CPQ: variants seen among roughly 807,000 people sequenced by gnomAD.
The protein encoded by CPQ is Ser-Met dipeptidase.
A neutral mutation model predicts 45.7 loss-of-function variants in CPQ; 37 were observed. That is an observed-to-expected ratio of 0.81 (90% CI 0.62 to 1.07). CPQ has a LOEUF of 1.07. Ranked by LOEUF, CPQ falls within the 50% of genes least tolerant of loss-of-function variation. The probability of loss-of-function intolerance (pLI) is 0.00; values close to 1 mark genes in which losing one functional copy is unlikely to be tolerated. For synonymous variants in CPQ, 186 were observed against 205.8 expected, an observed-to-expected ratio of 0.90 and a Z score of 0.82; for missense variants, 537 against 572.9, an observed-to-expected ratio of 0.94 and a Z score of 0.64.
At chr8:96,862,328 G>A (rs1811937137) in intron 3 of CPQ, among the ~76,000 whole-genome samples, 2 of 151,174 alleles carry the variant, frequency 1.3e-5, no homozygotes, top group Admixed American at 6.6e-5. Context: ...GTGTCTGGGA[G>A]AGAGAGAAAG....
At chr8:96,833,431 C>T (rs980040368) in intron 2 of CPQ, among the ~76,000 whole-genome samples, 29 of 152,148 alleles carry the variant, frequency 1.9e-4, no homozygotes, top group African/African-American at 6.8e-4. Context: ...CTAGTGGCTC[C>T]AATCCGGATG....
intron 4 of CPQ, among the ~76,000 whole-genome samples, chr8:96,922,437 G>C (rs971387941): frequency 1.3e-5 from 2 of 152,208 alleles, no homozygotes; most frequent in African/African-American, 4.8e-5. Flanking sequence ...GAGTTCATCA[G>C]ACAGCAAGGA....
At chr8:96,908,689 A>C (rs1230857751) in intron 4 of CPQ, among the ~76,000 whole-genome samples, 1 of 151,408 alleles carries the variant, frequency 6.6e-6, no homozygotes, top group Non-Finnish European at 1.5e-5. Context: ...TTGTCATTGA[A>C]GTTTGCCTTA....
intron 1 of CPQ, among the ~76,000 whole-genome samples, chr8:96,658,860 T>G (rs955933184): frequency 1.3e-5 from 2 of 152,364 alleles, no homozygotes; most frequent in Non-Finnish European, 1.5e-5. Flanking sequence ...GATTCTCTCC[T>G]AAAGCTTCCA....
At chr8:96,718,206 T>C (rs1390135475) in intron 1 of CPQ, among the ~76,000 whole-genome samples, 2 of 152,238 alleles carry the variant, frequency 1.3e-5, no homozygotes, top group Non-Finnish European at 2.9e-5. Flanking sequence ...ATTGTGAATC[T>C]TAACTGGGGG....
chr8:96,979,905 G>T (rs1377348351), intron 5 of CPQ, among the ~76,000 whole-genome samples: 2 of 152,080 alleles, frequency 1.3e-5, no homozygotes, highest in African/African-American at 4.8e-5. Flanking sequence ...TGGCCCATGT[G>T]CTTGCCTGAC....
intron 3 of CPQ, among the ~76,000 whole-genome samples, chr8:96,842,011 A>G (rs995249279): frequency 1.3e-5 from 2 of 152,226 alleles, no homozygotes; most frequent in African/African-American, 2.4e-5. Context: ...TACAATTTAT[A>G]AAACATTCTT....
At chr8:97,111,547 A>G (rs1410672605) in intron 7 of CPQ, among the ~76,000 whole-genome samples, 2 of 152,154 alleles carry the variant, frequency 1.3e-5, no homozygotes, top group Non-Finnish European at 1.5e-5. Context: ...ACAACGAGCC[A>G]TTTCACTTCT....
intron 2 of CPQ, among the ~76,000 whole-genome samples, chr8:96,830,326 C>G (rs1353001965): frequency 6.6e-6 from 1 of 151,962 alleles, no homozygotes; most frequent in Non-Finnish European, 1.5e-5. Flanking sequence ...TTATTGTTAA[C>G]TGTTTTGGGG....
intron 4 of CPQ, among the ~76,000 whole-genome samples, chr8:96,936,609 G>A (rs1586458454): frequency 6.6e-6 from 1 of 152,300 alleles, no homozygotes; most frequent in East Asian, 1.9e-4. Flanking sequence ...TCTCTTGCCT[G>A]TCAACAATTA....
intron 2 of CPQ, among the ~76,000 whole-genome samples, chr8:96,833,357 C>T (rs1457206363): frequency 1.3e-5 from 2 of 152,092 alleles, no homozygotes; most frequent in South Asian, 4.1e-4. Context: ...TAATGAAGTA[C>T]CACCCTCGTG....
chr8:96,996,257 T>A (rs905540590), intron 5 of CPQ, among the ~76,000 whole-genome samples: 1 of 151,936 alleles, frequency 6.6e-6, no homozygotes, highest in African/African-American at 2.4e-5. Flanking sequence ...AGAGAACATA[T>A]AGATCATGAA....
At chr8:97,050,112 T>C (rs1204955707) in intron 6 of CPQ, among the ~76,000 whole-genome samples, 1 of 152,182 alleles carries the variant, frequency 6.6e-6, no homozygotes, top group Non-Finnish European at 1.5e-5. Flanking sequence ...GCTACACCAG[T>C]CTTTGCTCAC....
chr8:97,086,950 GGT>G lies in CPQ; in HGVS notation c.1255+20741_1255+20742del, dbSNP rs554765256. Among the ~76,000 whole-genome samples, 20 of 152,230 alleles carry G rather than the reference GGT, an allele frequency of 1.3e-4. No homozygotes were observed. In the South Asian group the frequency reaches 3.1e-3, roughly 24 times the overall value. Reference sequence around the variant, plus strand: ...ACAAAAGAAAAGAAAGCCACCTCCAGGTATCCTTAGGGTCCTTTCAACTGATC... The same window carrying G: ...ACAAAAGAAAAGAAAGCCACCTCCAGATCCTTAGGGTCCTTTCAACTGATC... On this transcript the variant is annotated intron_variant, in intron 7 of 7. Coordinates refer to ENST00000220763, the MANE Select transcript of CPQ (RefSeq NM_016134.4).
At chr8:97,016,623 A>C (rs1433162505) in intron 5 of CPQ, among the ~76,000 whole-genome samples, 1 of 152,198 alleles carries the variant, frequency 6.6e-6, no homozygotes. Context: ...AGAGTTATGC[A>C]TGCAGTTCTA....
At chr8:96,677,609 A>G (rs1809092901) in intron 1 of CPQ, among the ~76,000 whole-genome samples, 1 of 152,074 alleles carries the variant, frequency 6.6e-6, no homozygotes, top group Middle Eastern at 3.4e-3. Context: ...ATTTTCTCCC[A>G]TTCTGTGGGT....
chr8:97,103,099 A>T (rs1049123768), intron 7 of CPQ, among the ~76,000 whole-genome samples: 4 of 152,018 alleles, frequency 2.6e-5, no homozygotes, highest in Admixed American at 6.6e-5. Context: ...TCTTGTAGGG[A>T]TCATTATGGT....
At chr8:97,078,628 C>T (rs528247950) in intron 7 of CPQ, among the ~76,000 whole-genome samples, 23 of 152,062 alleles carry the variant, frequency 1.5e-4, no homozygotes, top group South Asian at 1.0e-3. Context: ...AGTATCAACA[C>T]GATCACCAAC....
At chr8:97,018,352 C>T (rs979766478) in intron 5 of CPQ, among the ~76,000 whole-genome samples, 2 of 152,154 alleles carry the variant, frequency 1.3e-5, no homozygotes, top group Admixed American at 6.5e-5. Context: ...CAAAAAATCA[C>T]ACTAGCTCAC....
Sources: gnomAD v4.1 joint callset for allele counts (sites outside exome capture counted in the v4.1 genomes callset) on GRCh38, gnomAD v4.1.1 for gene constraint, MANE v1.5 for transcripts, NCBI Gene and HGNC (gene_info 2026-07-23, HGNC 2026-07-21) for gene names.